The following AATK variants were observed in gnomAD, a reference collection of about 807,000 sequenced individuals.
The protein encoded by AATK is lemur tail kinase 1.
In AATK, 91 loss-of-function variants were observed where a neutral mutation model predicts 114.3. The observed-to-expected ratio is 0.80, with a 90% CI of 0.67 to 0.95. AATK has a LOEUF of 0.95. Ranked by LOEUF, AATK falls within the 40% of genes least tolerant of loss-of-function variation. The probability of loss-of-function intolerance (pLI) is 0.00; values close to 1 mark genes in which losing one functional copy is unlikely to be tolerated. For synonymous variants in AATK, 1,075 were observed against 916.5 expected, an observed-to-expected ratio of 1.17 and a Z score of -3.12; for missense variants, 2,176 against 1,965.2, an observed-to-expected ratio of 1.11 and a Z score of -2.03.
chr17:81,124,908 C>CCG, intron 8 of AATK, 22 bp downstream of exon 8: 18 of 1,458,854 alleles, frequency 1.2e-5, no homozygotes, highest in Non-Finnish European at 1.4e-5. Flanking sequence ...ATGCCCAGCC[C>CCG]AGCCCACCCC....
rs770322031 is a variant in AATK at position 81,134,388 on chromosome 17, T to G, written c.169A>C (p.Lys57Gln). The G allele has an allele frequency of 7.5e-5, 121 of 1,613,070 alleles. No individual in the cohort carries two copies. Among genetic ancestry groups the G allele is most frequent in the Non-Finnish European group, 1.0e-4 (121 of 1,179,788 alleles). The stretch of plus-strand genomic sequence containing the variant: ...CTCACCTTGAACCCGATACCGCCCT[T>G]CTTACAGCACAGGCAGGCCAGCATG... ...VLMLACLCCKKGGIGFKEFEN... is the reference protein window; with the variant it reads ...VLMLACLCCKQGGIGFKEFEN... The change falls in exon 2 of 14, where the codon AAG becomes CAG. Residue 57 changes from lysine (K) to glutamine (Q), a missense_variant. By Grantham distance (53) the Lys-to-Gln change is moderately conservative. Around this residue, in one of 4 missense-constraint regions of AATK, gnomAD observed 178 missense variants for 175.4 expected, o/e 1.01. Transcript: ENST00000326724.
At chr17:81,160,459 T>TTTCCTCTGCCGGC (rs1343052262) in intron 1 of AATK, 2 of 161,194 alleles carry the variant, frequency 1.2e-5, no homozygotes, top group Non-Finnish European at 2.6e-5. Context: ...GCTGCCCTCA[T>TTTCCTCTGCCGGC]TTCCTCTGCC....
At position 81,134,359 on chromosome 17, in the gene AATK, A is replaced by G. The variant is rs2060980184; in HGVS notation, c.189+9T>C. 5 of 1,612,638 alleles carry G rather than the reference A, an allele frequency of 3.1e-6. No homozygotes were observed. Among genetic ancestry groups the G allele is most frequent in the Non-Finnish European group, 4.2e-6 (5 of 1,179,700 alleles). ...TCCCACGACAGCTCCCGCGGCCCCC[A>G]GGCCTCACCTTGAACCCGATACCGC... On this transcript the variant is annotated intron_variant, in intron 2 of 13. Transcript: ENST00000326724.
At chr17:81,134,262 C>A (rs886947206) in intron 2 of AATK, 106 bp downstream of exon 2, 4 of 1,468,116 alleles carry the variant, frequency 2.7e-6, no homozygotes, top group Admixed American at 2.1e-5. Flanking sequence ...GGCCACCCAG[C>A]AGCCACCTTG....
At chr17:81,152,092 T>C (rs1417635281) in intron 1 of AATK, among the ~76,000 whole-genome samples, 1 of 151,958 alleles carries the variant, frequency 6.6e-6, no homozygotes, top group African/African-American at 2.4e-5. Context: ...CTGGCCAACA[T>C]GGTGAAACCC....
chr17:81,118,131 G>A lies in AATK; in HGVS notation c.*271C>T. ...CCTTTTGAGTGTGTATGTGTGTACA[G>A]ACACCCACTGTGGCTCCAGGCGCCC... On this transcript the variant is annotated 3_prime_UTR_variant, in exon 14 of 14. Transcript: ENST00000326724. 1 of 521,564 alleles carries A rather than the reference G, an allele frequency of 1.9e-6. No individual in the cohort carries two copies. The highest frequency in any genetic ancestry group is 3.5e-6 in the Non-Finnish European group (1 of 288,546). 32.3% of individuals were successfully genotyped at this position (521,564 alleles called of 1,614,324 possible).
At chr17:81,132,625 C>A in intron 2 of AATK, 1 of 269,986 alleles carries the variant, frequency 3.7e-6, no homozygotes, top group Non-Finnish European at 7.8e-6. Flanking sequence ...GCTGTCTCTC[C>A]CTGGGGTCGG....
chr17:81,122,122 C>G lies in AATK; in HGVS notation c.1814G>C (p.Cys605Ser). The change falls in exon 11 of 14, where the codon TGC becomes TCC. Residue 605 changes from cysteine (C) to serine (S), a missense_variant. Transcript: ENST00000326724. ...CGAGGGCGAGGGAGAGCGTGAGGGG[C>G]AGAGCGGGTCCCGCGCCAAGCTTCT... ...PRRSLARDPL[C>S]PSRSPSPSAG... 1 of 1,547,134 alleles carries G rather than the reference C, an allele frequency of 6.5e-7. No homozygotes were observed. The highest frequency in any genetic ancestry group is 1.2e-5 in the South Asian group (1 of 85,930).
intron 9 of AATK, among the ~76,000 whole-genome samples, chr17:81,124,309 AG>A (rs2060759553): frequency 6.6e-6 from 1 of 152,150 alleles, no homozygotes; most frequent in African/African-American, 2.4e-5. Flanking sequence ...CACTCAGGAT[AG>A]GGGCTTCCAG....
At position 81,126,408 on chromosome 17, in the gene AATK, G is replaced by A. The variant is rs376247961; in HGVS notation, c.755+19C>T. On this transcript the variant is annotated intron_variant, in intron 7 of 13. Coordinates refer to ENST00000326724, the MANE Select transcript of AATK (RefSeq NM_001080395.3). The surrounding 1 kb of genome is among the most constrained non-coding windows in gnomAD (Gnocchi z 5.1). Reference sequence around the variant, plus strand: ...CCTGGCCTAGGGCTTCCCGGCCGCTGGCCCGCGCCCGCCCTCACCTGTGCA... The same window carrying A: ...CCTGGCCTAGGGCTTCCCGGCCGCTAGCCCGCGCCCGCCCTCACCTGTGCA... 1,641 of 1,549,430 alleles carry A rather than the reference G, an allele frequency of 1.1e-3. 7 individuals carry two copies. The highest frequency in any genetic ancestry group is 1.3e-3 in the Non-Finnish European group (1,476 of 1,145,414).
intron 1 of AATK, among the ~76,000 whole-genome samples, chr17:81,145,042 G>A (rs1315213959): frequency 1.3e-5 from 2 of 152,092 alleles, no homozygotes; most frequent in Admixed American, 6.5e-5. Flanking sequence ...AGACCATCCT[G>A]GCCAACATGG....
intron 1 of AATK, among the ~76,000 whole-genome samples, chr17:81,138,471 A>ACATGCACACATG (rs1185619288): frequency 1.1e-3 from 151 of 139,296 alleles, no homozygotes; most frequent in African/African-American, 3.9e-3. Flanking sequence ...ACACCCACCC[A>ACATGCACACATG]CATGCACACA....
At chr17:81,151,459 C>T (rs528638397) in intron 1 of AATK, among the ~76,000 whole-genome samples, 24 of 152,206 alleles carry the variant, frequency 1.6e-4, no homozygotes, top group East Asian at 1.2e-3. Context: ...GTGGCTCAGA[C>T]GCATCCGAGG....
At chr17:81,161,304 A>G (rs2061427384) in intron 1 of AATK, among the ~76,000 whole-genome samples, 1 of 151,866 alleles carries the variant, frequency 6.6e-6, no homozygotes, top group Non-Finnish European at 1.5e-5. Flanking sequence ...CTGGGCCTGC[A>G]TCACTCCAGC....
intron 3 of AATK, 63 bp from the exon 4 acceptor site, chr17:81,128,612 CG>C (rs2060884241): frequency 1.0e-5 from 16 of 1,543,278 alleles, no homozygotes; most frequent in Non-Finnish European, 1.4e-5. Flanking sequence ...CTTCCTCACC[CG>C]GCCCCTGGAG....
intron 6 of AATK, among the ~76,000 whole-genome samples, chr17:81,127,371 G>A (rs954522094): frequency 5.3e-5 from 8 of 152,130 alleles, no homozygotes; most frequent in Admixed American, 4.6e-4. Context: ...CCCCAGCCCA[G>A]GCCTGTTCTG....
chr17:81,127,202 C>G (rs1429290455), intron 6 of AATK, among the ~76,000 whole-genome samples: 10 of 151,968 alleles, frequency 6.6e-5, no homozygotes, highest in Admixed American at 3.3e-4. Flanking sequence ...GGGGAAGTGG[C>G]CAGGCCCAGC....
intron 12 of AATK, 71 bp from the exon 13 acceptor site, chr17:81,119,651 ACGGGCCCAGGCCCCGC>A: frequency 3.6e-6 from 2 of 548,794 alleles, no homozygotes; most frequent in East Asian, 6.9e-5. Flanking sequence ...TCCCACAGTC[ACGGGCCCAGGCCCCGC>A]CTCCCATCAT....
At chr17:81,149,052 C>T (rs899687419) in intron 1 of AATK, among the ~76,000 whole-genome samples, 1 of 152,174 alleles carries the variant, frequency 6.6e-6, no homozygotes, top group African/African-American at 2.4e-5. Context: ...CCTGGCCGAG[C>T]TCTGGGTTGA....
Sources: allele counts gnomAD v4.1 joint callset (sites outside exome capture counted in the v4.1 genomes callset), GRCh38; gene constraint gnomAD v4.1.1; regional missense constraint gnomAD v4.1.1; non-coding constraint Gnocchi (gnomAD v3.1); transcripts MANE v1.5; gene names NCBI Gene and HGNC (gene_info 2026-07-23, HGNC 2026-07-21).